FRMD3: variants seen among roughly 807,000 people sequenced by gnomAD.
FRMD3 encodes the protein FERM domain containing 3, also known as FERM domain-containing protein 3.
Under a neutral mutation model 70.2 loss-of-function variants are expected in FRMD3, and 33 were observed. The ratio of observed to expected loss-of-function variants is 0.47; its 90% CI spans 0.36 to 0.63. The LOEUF (loss-of-function observed/expected upper bound fraction) is 0.63. FRMD3 is among the 20% of genes least tolerant of loss of function. The probability of loss-of-function intolerance (pLI) is 0.00; values close to 1 mark genes in which losing one functional copy is unlikely to be tolerated. For missense variants in FRMD3, 632 were observed against 711.4 expected (o/e 0.89, Z 1.27); for synonymous variants, 279 against 255.9 (o/e 1.09, Z -0.86).
chr9:83,459,243 A>C (rs1377051424), intron 1 of FRMD3, among the ~76,000 whole-genome samples: 1 of 151,896 alleles, frequency 6.6e-6, no homozygotes, highest in Non-Finnish European at 1.5e-5. Context: ...ACTCCCTAGA[A>C]CTCTGGCCAT....
intron 1 of FRMD3, among the ~76,000 whole-genome samples, chr9:83,491,404 G>C (rs1454329053): frequency 1.3e-5 from 2 of 152,164 alleles, no homozygotes; most frequent in Non-Finnish European, 2.9e-5. Context: ...TCAGGGACCT[G>C]GAGACACAGA....
intron 1 of FRMD3, among the ~76,000 whole-genome samples, chr9:83,455,777 T>C (rs1238525903): frequency 6.6e-6 from 1 of 152,170 alleles, no homozygotes; most frequent in Non-Finnish European, 1.5e-5. Flanking sequence ...TATTTTTCTT[T>C]TACTCACCAC....
In FRMD3 at chr9:83,395,274, T is replaced by A. The variant is rs560369292; in HGVS notation, c.148-5566A>T. On this transcript the variant is annotated intron_variant, in intron 1 of 13. Coordinates refer to ENST00000304195, the MANE Select transcript of FRMD3 (RefSeq NM_174938.6). ...CCTCCCAGAACTGTCCTCTATAGAT[T>A]TAAAAAAAAAAAAAAAAGGGAACAA... is the stretch of plus-strand genomic sequence containing the variant. Among the ~76,000 whole-genome samples the A allele has an allele frequency of 6.6e-3, 336 of 51,112 alleles. 1 individual carries two copies. The highest frequency in any genetic ancestry group is 0.023 in the African/African-American group (301 of 13,094). 33.5% of individuals were successfully genotyped at this position (51,112 alleles called of 152,430 possible).
chr9:83,492,097 T>C (rs998562842), intron 1 of FRMD3, among the ~76,000 whole-genome samples: 5 of 152,200 alleles, frequency 3.3e-5, no homozygotes, highest in Admixed American at 1.3e-4. Flanking sequence ...AAAAGTCCCA[T>C]AGACACTAAG....
Position 83,389,973 on chromosome 9 carries a change from T to C in FRMD3, c.148-265A>G, listed in dbSNP as rs1825621506. Among the ~76,000 whole-genome samples the C allele has an allele frequency of 2.0e-5, 3 of 152,294 alleles. No individual in the cohort carries two copies. In the South Asian group the frequency reaches 6.2e-4, roughly 32 times the overall value. ...AAAAGAGCAGTCAAAATAATCCATATGCCATTTAATTTGTCTAATGCTATT... is the reference window on the plus strand; with the variant it reads ...AAAAGAGCAGTCAAAATAATCCATACGCCATTTAATTTGTCTAATGCTATT... On this transcript the variant is annotated intron_variant, in intron 1 of 13. Coordinates refer to ENST00000304195, the MANE Select transcript of FRMD3 (RefSeq NM_174938.6).
intron 1 of FRMD3, among the ~76,000 whole-genome samples, chr9:83,529,860 T>C (rs920122780): frequency 6.6e-6 from 1 of 152,120 alleles, no homozygotes; most frequent in Non-Finnish European, 1.5e-5. Flanking sequence ...GAAGAAGATA[T>C]ACAAATGGCT....
At chr9:83,307,819 C>T (rs1479979978) in intron 10 of FRMD3, among the ~76,000 whole-genome samples, 1 of 152,054 alleles carries the variant, frequency 6.6e-6, no homozygotes. Context: ...AATTAGATTT[C>T]CATTTAAAAA....
intron 13 of FRMD3, among the ~76,000 whole-genome samples, chr9:83,255,184 A>T (rs1428224037): frequency 6.6e-6 from 1 of 152,144 alleles, no homozygotes; most frequent in Non-Finnish European, 1.5e-5. Flanking sequence ...TATCCACCAC[A>T]GTCAAGTTGG....
intron 12 of FRMD3, chr9:83,297,866 G>A (rs745412963): frequency 5.1e-5 from 24 of 470,574 alleles, no homozygotes; most frequent in Non-Finnish European, 9.7e-5. Context: ...GTGTGGGAGA[G>A]AAATGCCATC....
At chr9:83,395,082 T>G (rs913351102) in intron 1 of FRMD3, among the ~76,000 whole-genome samples, 2 of 152,220 alleles carry the variant, frequency 1.3e-5, no homozygotes, top group African/African-American at 4.8e-5. Context: ...TCACAGATCT[T>G]AAAATCCTGC....
At chr9:83,355,083 C>T (rs78908475) in intron 3 of FRMD3, among the ~76,000 whole-genome samples, 2 of 152,014 alleles carry the variant, frequency 1.3e-5, no homozygotes, top group African/African-American at 2.4e-5. Context: ...CATGGAAGCC[C>T]CCACTTACTC....
At chr9:83,410,808 A>G (rs1826257675) in intron 1 of FRMD3, among the ~76,000 whole-genome samples, 1 of 152,188 alleles carries the variant, frequency 6.6e-6, no homozygotes, top group South Asian at 2.1e-4. Context: ...CCTCACCAGC[A>G]TCTGTTGTTT....
intron 1 of FRMD3, among the ~76,000 whole-genome samples, chr9:83,500,257 T>C (rs1829032843): frequency 6.6e-6 from 1 of 152,044 alleles, no homozygotes; most frequent in African/African-American, 2.4e-5. Context: ...TTAATAATCA[T>C]GTATTTATAA....
chr9:83,266,914 C>A (rs1833282823), intron 13 of FRMD3: 2 of 1,296,334 alleles, frequency 1.5e-6, no homozygotes. Flanking sequence ...ACCTCTGACA[C>A]CAAATTCACC....
At chr9:83,297,792 G>A (rs1421111125) in intron 12 of FRMD3, 1 of 471,642 alleles carries the variant, frequency 2.1e-6, no homozygotes, top group Admixed American at 2.3e-5. Flanking sequence ...CCCCAAAGCA[G>A]GAACAAATTT....
intron 6 of FRMD3, 72 bp from the exon 7 acceptor site, chr9:83,313,819 T>C: frequency 1.8e-6 from 2 of 1,101,992 alleles, no homozygotes; most frequent in South Asian, 2.5e-5. Flanking sequence ...CTTCATTCAA[T>C]AAAGTATGGT....
intron 3 of FRMD3, among the ~76,000 whole-genome samples, chr9:83,362,164 G>A (rs905517358): frequency 1.5e-4 from 21 of 139,378 alleles, no homozygotes; most frequent in Middle Eastern, 6.8e-3. Context: ...GAGCAAAATC[G>A]ATGCTGTTGG....
intron 1 of FRMD3, among the ~76,000 whole-genome samples, chr9:83,489,802 A>G (rs192778219): frequency 4.4e-4 from 67 of 152,316 alleles, no homozygotes; most frequent in African/African-American, 1.5e-3. Flanking sequence ...CCCTGCCATT[A>G]TCATCAGAGT....
At chr9:83,243,644 A>T (rs17086102), downstream of FRMD3, among the ~76,000 whole-genome samples, 1 of 152,030 alleles carries the variant, frequency 6.6e-6, no homozygotes, top group Non-Finnish European at 1.5e-5. Context: ...GCTTCCTCAC[A>T]TCTGAATGCT....
Sources: allele counts gnomAD v4.1 joint callset (sites outside exome capture counted in the v4.1 genomes callset), GRCh38; gene constraint gnomAD v4.1.1; transcripts MANE v1.5; gene names NCBI Gene and HGNC (gene_info 2026-07-23, HGNC 2026-07-21).